Variants in PAPPA2 observed in about 807,000 individuals in gnomAD.
The protein encoded by PAPPA2 is pappalysin 2, also known as pappalysin-2.
A neutral mutation model predicts 176.4 loss-of-function variants in PAPPA2; 86 were observed. The observed-to-expected ratio is 0.49, with a 90% CI of 0.41 to 0.58. PAPPA2 has a LOEUF of 0.58. Among genes scored for constraint, PAPPA2 ranks in the 20% least tolerant of loss-of-function variants. The pLI is 0.00. For missense variants in PAPPA2, 2,073 were observed against 2,256.9 expected (o/e 0.92, Z 1.65); for synonymous variants, 809 against 852.2 (o/e 0.95, Z 0.88).
At chr1:176,728,786 T>C (rs1046268558) in intron 12 of PAPPA2, among the ~76,000 whole-genome samples, 2 of 151,856 alleles carry the variant, frequency 1.3e-5, no homozygotes, top group African/African-American at 4.8e-5. Context: ...AATAAACAGA[T>C]TAATGGAACA....
chr1:176,562,231 T>G lies in PAPPA2; in HGVS notation c.919+4990T>G, dbSNP rs1410942110. Among the ~76,000 whole-genome samples the G allele has an allele frequency of 5.3e-5, 8 of 152,300 alleles. No individual in the cohort carries two copies. The East Asian group carries it at 1.2e-3, about 22-fold the overall frequency. ...AAGTGTTGTTGTTGTTGTTGTTGTT[T>G]TTGACATCTAAGAAATGAGATTTCA... On this transcript the variant is annotated intron_variant, in intron 2 of 22. Coordinates refer to ENST00000367662, the MANE Select transcript of PAPPA2 (RefSeq NM_020318.3).
chr1:176,738,806 T>C (rs745694905), intron 12 of PAPPA2, among the ~76,000 whole-genome samples: 1 of 152,182 alleles, frequency 6.6e-6, no homozygotes, highest in Non-Finnish European at 1.5e-5. Context: ...GAATCTGCTC[T>C]TCATCTTCCA....
chr1:176,791,423 C>T lies in PAPPA2; in HGVS notation c.4961C>T (p.Pro1654Leu), dbSNP rs2102938726. Residue 1654 changes from proline to leucine, a missense_variant, in exon 19 of 23, where the codon CCA becomes CTA. This residue lies in a region of PAPPA2 where 846 missense variants were observed against 857.9 expected (regional missense o/e 0.99). Coordinates refer to ENST00000367662, the MANE Select transcript of PAPPA2 (RefSeq NM_020318.3). ...TGTGAGAATCTGCAAGGAGAATGCCCACCACCCCCCTCAGAGCTGAATTCT... is the reference window on the plus strand; with the variant it reads ...TGTGAGAATCTGCAAGGAGAATGCCTACCACCCCCCTCAGAGCTGAATTCT... Reference protein sequence around the residue: ...KLCENLQGECPPPPSELNSVE... With the variant: ...KLCENLQGECLPPPSELNSVE... 1 of 1,613,652 alleles carries T rather than the reference C, an allele frequency of 6.2e-7. No homozygotes were observed. The highest frequency in any genetic ancestry group is 1.1e-5 in the South Asian group (1 of 91,068).
chr1:176,521,207 G>T (rs985433342), intron 1 of PAPPA2, among the ~76,000 whole-genome samples: 1 of 152,112 alleles, frequency 6.6e-6, no homozygotes, highest in African/African-American at 2.4e-5. Flanking sequence ...TTCCCATTAA[G>T]AAGCAAAGTT....
At chr1:176,732,730 G>A (rs954002218) in intron 12 of PAPPA2, among the ~76,000 whole-genome samples, 21 of 152,110 alleles carry the variant, frequency 1.4e-4, no homozygotes, top group Admixed American at 5.2e-4. Flanking sequence ...TGCATATTAA[G>A]GTTTGAGGAG....
Position 176,740,208 on chromosome 1 carries a change from C to T in PAPPA2, c.4151+12C>T, listed in dbSNP as rs1662613898. On this transcript the variant is annotated intron_variant, in intron 14 of 22. Transcript: ENST00000367662. ...CATCAGGGACAGAGGTACAAACTTCCCTTTCTTTCTTTTGTTTCCTTTTCT... is the reference window on the plus strand; with the variant it reads ...CATCAGGGACAGAGGTACAAACTTCTCTTTCTTTCTTTTGTTTCCTTTTCT... 3 of 1,608,964 alleles carry T rather than the reference C, an allele frequency of 1.9e-6. No individual in the cohort carries two copies. In the South Asian group the frequency reaches 3.3e-5, roughly 18 times the overall value.
At chr1:176,617,102 TA>T (rs1655307897) in intron 3 of PAPPA2, among the ~76,000 whole-genome samples, 1 of 152,186 alleles carries the variant, frequency 6.6e-6, no homozygotes, top group African/African-American at 2.4e-5. Context: ...ACCACTCTTA[TA>T]GGGGCTTTTT....
intron 21 of PAPPA2, among the ~76,000 whole-genome samples, chr1:176,807,347 C>A (rs1478760965): frequency 1.3e-5 from 2 of 152,032 alleles, no homozygotes; most frequent in African/African-American, 2.4e-5. Context: ...ACCAGTAAGA[C>A]CTTTTATATC....
chr1:176,806,968 C>T (rs1665934281), intron 21 of PAPPA2, among the ~76,000 whole-genome samples: 1 of 152,142 alleles, frequency 6.6e-6, no homozygotes, highest in Non-Finnish European at 1.5e-5. Context: ...GTTAGTACTT[C>T]CTTCCTTGAC....
At position 176,633,156 on chromosome 1, in the gene PAPPA2, G is replaced by C. The variant is rs1656445960; in HGVS notation, c.1991+37561G>C. On this transcript the variant is annotated intron_variant, in intron 3 of 22. Transcript: ENST00000367662. ...TGGAAGGCACTTGCTAGCATGAGGAGCGGCAGTCAGAGTGCATTATGAGAG... is the reference window on the plus strand; with the variant it reads ...TGGAAGGCACTTGCTAGCATGAGGACCGGCAGTCAGAGTGCATTATGAGAG... 3.3e-5 allele frequency among the ~76,000 whole-genome samples: 5 copies of C among 152,206 alleles called. No individual in the cohort carries two copies. The South Asian group carries it at 1.0e-3, about 32-fold the overall frequency.
chr1:176,732,195 T>A (rs1196228643), intron 12 of PAPPA2, among the ~76,000 whole-genome samples: 1 of 152,184 alleles, frequency 6.6e-6, no homozygotes, highest in Admixed American at 6.5e-5. Flanking sequence ...GACAAGATCC[T>A]TTGTTAGAGC....
chr1:176,599,990 T>TG (rs1411529336), intron 3 of PAPPA2, among the ~76,000 whole-genome samples: 1 of 152,152 alleles, frequency 6.6e-6, no homozygotes, highest in African/African-American at 2.4e-5. Context: ...TCCTATTTTT[T>TG]GTGTTGAATC....
intron 14 of PAPPA2, among the ~76,000 whole-genome samples, chr1:176,742,115 A>G (rs1337763737): frequency 7.2e-5 from 11 of 152,264 alleles, no homozygotes; most frequent in Non-Finnish European, 1.5e-4. Flanking sequence ...AGCAGCTGTC[A>G]CATTGGGTGA....
At chr1:176,747,985 GC>G (rs1448947539) in intron 14 of PAPPA2, among the ~76,000 whole-genome samples, 1 of 152,300 alleles carries the variant, frequency 6.6e-6, no homozygotes, top group Non-Finnish European at 1.5e-5. Context: ...TTTCTTCAAA[GC>G]CAACAAGACA....
rs1250025564 is a variant in PAPPA2 at position 176,692,107 on chromosome 1, A to G, written c.2432-19A>G. On this transcript the variant is annotated intron_variant, in intron 5 of 22. Transcript: ENST00000367662. ...GGTTAAAATCTCCATCTCTTGTGCC[A>G]CCTTTTTTGTCTCCACAGATGATAA... The G allele has an allele frequency of 6.3e-7, 1 of 1,594,822 alleles. No individual in the cohort carries two copies. The highest frequency in any genetic ancestry group is 2.2e-5 in the East Asian group (1 of 44,504).
intron 14 of PAPPA2, among the ~76,000 whole-genome samples, chr1:176,745,898 C>A (rs1395170555): frequency 6.6e-6 from 1 of 152,328 alleles, no homozygotes; most frequent in East Asian, 1.9e-4. Context: ...ATTGGGACTT[C>A]TGGAAAGCTG....
intron 1 of PAPPA2, among the ~76,000 whole-genome samples, chr1:176,486,082 G>A (rs796649129): frequency 5.9e-5 from 9 of 152,328 alleles, no homozygotes; most frequent in African/African-American, 2.2e-4. Context: ...GTGACTCCCT[G>A]TCTCCAGTGA....
At chr1:176,746,639 C>A (rs185509272) in intron 14 of PAPPA2, among the ~76,000 whole-genome samples, 4 of 151,942 alleles carry the variant, frequency 2.6e-5, no homozygotes, top group African/African-American at 9.7e-5. Flanking sequence ...AAGCAAAGAC[C>A]AACATAAAGT....
At chr1:176,725,615 T>C (rs1183345064) in intron 12 of PAPPA2, among the ~76,000 whole-genome samples, 1 of 152,132 alleles carries the variant, frequency 6.6e-6, no homozygotes, top group Non-Finnish European at 1.5e-5. Flanking sequence ...TGGTAACTGA[T>C]TGGACATAAG....
Sources: allele counts gnomAD v4.1 joint callset (sites outside exome capture counted in the v4.1 genomes callset), GRCh38; gene constraint gnomAD v4.1.1; regional missense constraint gnomAD v4.1.1; transcripts MANE v1.5; gene names NCBI Gene and HGNC (gene_info 2026-07-23, HGNC 2026-07-21).